AKAP13: variants seen among roughly 807,000 people sequenced by gnomAD.
The protein encoded by AKAP13 is A-kinase anchoring protein 13.
A neutral mutation model predicts 264.5 loss-of-function variants in AKAP13; 80 were observed. The observed-to-expected ratio is 0.30, with a 90% confidence interval of 0.25 to 0.36. The LOEUF (loss-of-function observed/expected upper bound fraction) is 0.36. Ranked by LOEUF, AKAP13 falls within the 10% of genes least tolerant of loss-of-function variation. The pLI, the probability that AKAP13 is intolerant of heterozygous loss-of-function variation, is 1.00. For missense variants in AKAP13, 3,712 were observed against 3,435.2 expected (o/e 1.08, Z -2.01); for synonymous variants, 1,380 against 1,250.2 (o/e 1.10, Z -2.19).
intron 6 of AKAP13, 103 bp downstream of exon 6, chr15:85,575,432 C>A: frequency 8.4e-7 from 1 of 1,194,582 alleles, no homozygotes; most frequent in South Asian, 1.3e-5. Context: ...ATAATTAGAA[C>A]ATAAAAATGC....
At chr15:85,657,710 C>CTTTTTTTTT in intron 11 of AKAP13, among the ~76,000 whole-genome samples, 1 of 127,554 alleles carries the variant, frequency 7.8e-6, no homozygotes, top group Non-Finnish European at 1.7e-5. Context: ...GTGGTGTACT[C>CTTTTTTTTT]TTTTTTTTTT....
intron 10 of AKAP13, among the ~76,000 whole-genome samples, chr15:85,650,274 T>A (rs1182669931): frequency 6.7e-6 from 1 of 149,352 alleles, no homozygotes; most frequent in Non-Finnish European, 1.5e-5. Flanking sequence ...CAGTAAAAAA[T>A]TTAAAAATTA....
At chr15:85,483,651 A>C (rs1254675283) in intron 1 of AKAP13, among the ~76,000 whole-genome samples, 11 of 144,040 alleles carry the variant, frequency 7.6e-5, no homozygotes, top group South Asian at 2.2e-4. Context: ...AAAAAAAAAA[A>C]CACCAAAAAA....
chr15:85,543,611 C>G (rs1261729882), intron 4 of AKAP13, among the ~76,000 whole-genome samples, 161 bp from the exon 5 acceptor site: 2 of 152,198 alleles, frequency 1.3e-5, no homozygotes, highest in African/African-American at 2.4e-5. Context: ...AGGGCTGATT[C>G]TACCTGGCCA....
intron 5 of AKAP13, among the ~76,000 whole-genome samples, chr15:85,560,633 G>C (rs889749103): frequency 7.3e-5 from 11 of 150,606 alleles, no homozygotes; most frequent in South Asian, 2.1e-4. Flanking sequence ...TATTTCTATG[G>C]TCTTTATAAA....
intron 2 of AKAP13, among the ~76,000 whole-genome samples, chr15:85,495,237 A>G (rs1379703598): frequency 6.6e-6 from 1 of 152,124 alleles, no homozygotes; most frequent in African/African-American, 2.4e-5. Flanking sequence ...CTCAGTTCCC[A>G]TGGTTCTTTG....
intron 2 of AKAP13, among the ~76,000 whole-genome samples, chr15:85,517,609 T>G (rs2076655010): frequency 6.6e-6 from 1 of 152,198 alleles, no homozygotes; most frequent in South Asian, 2.1e-4. Flanking sequence ...TACTTCAGGA[T>G]GGGGAAAAGT....
intron 1 of AKAP13, among the ~76,000 whole-genome samples, chr15:85,396,228 C>A (rs2150820779): frequency 6.6e-6 from 1 of 152,008 alleles, no homozygotes. Context: ...TGGTATTGAC[C>A]AAGTTTGGTG....
intron 6 of AKAP13, among the ~76,000 whole-genome samples, chr15:85,577,368 A>C (rs535294438): frequency 6.6e-6 from 1 of 152,200 alleles, no homozygotes; most frequent in Non-Finnish European, 1.5e-5. Flanking sequence ...AATAGATTTT[A>C]GGTGTTGAGA....
intron 1 of AKAP13, among the ~76,000 whole-genome samples, chr15:85,411,732 C>G (rs956251899): frequency 6.6e-6 from 1 of 152,328 alleles, no homozygotes; most frequent in Non-Finnish European, 1.5e-5. Flanking sequence ...CCACCGCGCC[C>G]GGCCAACTAA....
chr15:85,443,985 T>C (rs905950563), intron 1 of AKAP13, among the ~76,000 whole-genome samples: 8 of 152,202 alleles, frequency 5.3e-5, no homozygotes, highest in Admixed American at 1.3e-4. Flanking sequence ...GTGGTTGATA[T>C]GTTTGTACAG....
At chr15:85,611,257 C>T (rs913725090) in intron 8 of AKAP13, among the ~76,000 whole-genome samples, 1 of 152,114 alleles carries the variant, frequency 6.6e-6, no homozygotes, top group Non-Finnish European at 1.5e-5. Context: ...CAGCCATTCC[C>T]CTGAGTTCCA....
chr15:85,677,140 T>C (rs2084269948), intron 14 of AKAP13: 3 of 985,308 alleles, frequency 3.0e-6, no homozygotes, highest in Non-Finnish European at 3.6e-6. Context: ...TTCTTGAAGG[T>C]CTGACCAGCT....
chr15:85,455,837 T>G (rs1320364455), intron 1 of AKAP13, among the ~76,000 whole-genome samples: 2 of 152,172 alleles, frequency 1.3e-5, no homozygotes, highest in Admixed American at 6.5e-5. Context: ...CTGTAATCCC[T>G]TTGTAATCTT....
chr15:85,723,708 C>T (rs1232240738), intron 26 of AKAP13, among the ~76,000 whole-genome samples: 1 of 152,156 alleles, frequency 6.6e-6, no homozygotes. Context: ...ACACAGTCAG[C>T]GAGTTTCACA....
intron 8 of AKAP13, among the ~76,000 whole-genome samples, chr15:85,588,687 A>G (rs1044944865): frequency 2.6e-5 from 4 of 152,126 alleles, no homozygotes; most frequent in African/African-American, 9.7e-5. Flanking sequence ...TTAAGAGTTG[A>G]GAGAGTGAAT....
chr15:85,744,525 C>T, intron 36 of AKAP13, 103 bp from the exon 37 acceptor site: 1 of 1,243,462 alleles, frequency 8.0e-7, no homozygotes, highest in Non-Finnish European at 1.2e-6. Context: ...CCATAAGCCC[C>T]AGTCGCCTGT....
intron 8 of AKAP13, among the ~76,000 whole-genome samples, chr15:85,599,800 C>A (rs729846): frequency 0.62 from 93,455 of 151,862 alleles, 28,916 homozygotes; most frequent in Middle Eastern, 0.72. Context: ...CTTTGGGAGG[C>A]CAAGGTGGGA....
At position 85,744,743 on chromosome 15, in the gene AKAP13, C is replaced by G. The variant is rs540160369; in HGVS notation, c.*66C>G. 1.4e-6 allele frequency: 2 copies of G among 1,458,134 alleles called. No individual in the cohort carries two copies. Among genetic ancestry groups the G allele is most frequent in the Non-Finnish European group, 1.9e-6 (2 of 1,078,876 alleles). The allele number at this position is 1,458,134 out of a possible 1,614,324, so 90.3% of individuals were successfully genotyped here. ...GCCAGCCCACCTCTCCTGCTGTCCC[C>G]GCGTGCACAAGTCTCTTACACTGGA... On this transcript the variant is annotated 3_prime_UTR_variant, in exon 37 of 37. Transcript: ENST00000394518.
Sources: allele counts gnomAD v4.1 joint callset (sites outside exome capture counted in the v4.1 genomes callset), GRCh38; gene constraint gnomAD v4.1.1; transcripts MANE v1.5; gene names NCBI Gene and HGNC (gene_info 2026-07-23, HGNC 2026-07-21).